The following TDRD10 variants were observed in gnomAD, a reference collection of about 807,000 sequenced individuals.
TDRD10 encodes tudor domain containing 10, also known as tudor domain-containing protein 10.
Under a neutral mutation model 48.0 loss-of-function variants are expected in TDRD10, and 40 were observed. That is an observed-to-expected ratio of 0.83 (90% confidence interval 0.65 to 1.09). TDRD10 has a LOEUF of 1.09. Among genes scored for constraint, TDRD10 ranks in the 50% least tolerant of loss-of-function variants. The pLI is 0.00. For missense variants in TDRD10, 378 were observed against 434.7 expected, an observed-to-expected ratio of 0.87 and a Z score of 1.16; for synonymous variants, 162 against 170.4, an observed-to-expected ratio of 0.95 and a Z score of 0.38.
chr1:154,544,489 C>A lies in TDRD10; in HGVS notation c.769C>A (p.Leu257Met). 1 of 1,613,864 alleles carries A rather than the reference C, an allele frequency of 6.2e-7. No homozygotes were observed. The highest frequency in any genetic ancestry group is 8.5e-7 in the Non-Finnish European group (1 of 1,179,964). ...GACTCGCTGTCTGGCAGAGTACCAC[C>A]TGGGGGATTATGGACACGCCTGGAA... The part of the protein sequence containing the change: ...RGTRCLAEYH[L>M]GDYGHAWNRC... The change falls in exon 10 of 13, where the codon CTG (leucine) becomes ATG (methionine). Residue 257 changes from leucine to methionine, a missense_variant. Leu to Met is a conservative substitution (Grantham distance 15). Around this residue, in one of 2 missense-constraint regions of TDRD10, gnomAD observed 310 missense variants for 323.6 expected, o/e 0.96. Coordinates refer to ENST00000368482, the MANE Select transcript of TDRD10 (RefSeq NM_182499.4).
chr1:154,508,617 A>T, intron 4 of TDRD10, 136 bp downstream of exon 4: 2 of 678,962 alleles, frequency 2.9e-6, no homozygotes, highest in East Asian at 5.1e-5. Context: ...CTCGTTGGTG[A>T]CTAGGGTAAC....
intron 4 of TDRD10, among the ~76,000 whole-genome samples, chr1:154,514,874 A>ATTTATTTT (rs1693670259): frequency 1.3e-5 from 2 of 150,866 alleles, no homozygotes; most frequent in African/African-American, 4.9e-5. Flanking sequence ...TTATTTATTT[A>ATTTATTTT]TTTTTTTTTT....
chr1:154,542,609 G>T (rs188479795), intron 7 of TDRD10, 122 bp from the exon 8 acceptor site: 1 of 666,340 alleles, frequency 1.5e-6, no homozygotes, highest in Middle Eastern at 4.1e-4. Context: ...GTTGGAGGGT[G>T]CAGCTTCTTG....
At position 154,544,092 on chromosome 1, in the gene TDRD10, G is replaced by C. The variant is rs1271423975; in HGVS notation, c.633G>C (p.Trp211Cys). Residue 211 changes from tryptophan to cysteine, a missense_variant, in exon 9 of 13, where the codon TGG becomes TGC. Transcript: ENST00000368482. ...TCGTCCCGAAGACCCCGTTTTTCTGGGCTATGCACGTCACTGAGGTATGGA... is the reference window on the plus strand; with the variant it reads ...TCGTCCCGAAGACCCCGTTTTTCTGCGCTATGCACGTCACTGAGGTATGGA... ...TSIVPKTPFF[W>C]AMHVTEALHQ... 5.0e-6 allele frequency: 8 copies of C among 1,614,136 alleles called. No individual in the cohort carries two copies. In the South Asian group the frequency reaches 8.8e-5, roughly 18 times the overall value.
intron 1 of TDRD10, among the ~76,000 whole-genome samples, chr1:154,504,685 TC>T (rs1693045238): frequency 6.6e-6 from 1 of 152,244 alleles, no homozygotes; most frequent in South Asian, 2.1e-4. Context: ...CAGAGAAATG[TC>T]TAGCAGATCC....
At chr1:154,510,045 C>T (rs140566914) in intron 4 of TDRD10, among the ~76,000 whole-genome samples, 35 of 152,220 alleles carry the variant, frequency 2.3e-4, no homozygotes, top group African/African-American at 7.9e-4. Context: ...TGCCTTCTTT[C>T]GACTCAAACT....
intron 4 of TDRD10, among the ~76,000 whole-genome samples, chr1:154,516,485 AG>A (rs1442796624): frequency 6.6e-6 from 1 of 152,112 alleles, no homozygotes; most frequent in Non-Finnish European, 1.5e-5. Flanking sequence ...AGTAAAAATC[AG>A]GGTTCTCTGC....
intron 4 of TDRD10, among the ~76,000 whole-genome samples, chr1:154,515,038 T>A (rs1296226286): frequency 6.6e-6 from 1 of 151,888 alleles, no homozygotes; most frequent in East Asian, 1.9e-4. Flanking sequence ...TGGCTAATTT[T>A]TGTATTTTTA....
At chr1:154,520,226 G>C (rs10908842) in intron 4 of TDRD10, 78 bp from the exon 5 acceptor site, 1 of 991,722 alleles carries the variant, frequency 1.0e-6, no homozygotes, top group African/African-American at 1.6e-5. Flanking sequence ...CAGACTAGCT[G>C]GCTGGGGATC....
chr1:154,539,980 G>T (rs1416582171), intron 6 of TDRD10, among the ~76,000 whole-genome samples: 2 of 152,164 alleles, frequency 1.3e-5, no homozygotes, highest in Non-Finnish European at 2.9e-5. Context: ...GAGCCTGGTG[G>T]GTGAAGGGGA....
At position 154,547,427 on chromosome 1, in the gene TDRD10, A is replaced by G; in HGVS notation, c.971A>G (p.Glu324Gly). The G allele has an allele frequency of 6.2e-7, 1 of 1,614,126 alleles. No homozygotes were observed. Among genetic ancestry groups the G allele is most frequent in the South Asian group, 1.1e-5 (1 of 91,072 alleles). Residue 324 changes from glutamate to glycine, a missense_variant, in exon 12 of 13, where the codon GAG (glutamate) becomes GGG (glycine). Transcript: ENST00000368482. ...TTTGCAGACATTTTGAGTTCGTATG[A>G]GGTTGTCCATCGAATCCTCAAAGGG... ...MLEKDILSSY[E>G]VVHRILKGKI...
At chr1:154,542,686 C>T (rs1304149854) in intron 7 of TDRD10, 45 bp from the exon 8 acceptor site, 2 of 1,528,078 alleles carry the variant, frequency 1.3e-6, no homozygotes, top group East Asian at 2.3e-5. Flanking sequence ...CAATTCCTCT[C>T]TGGGTAGTTC....
At chr1:154,531,999 A>G (rs898262033) in intron 6 of TDRD10, among the ~76,000 whole-genome samples, 1 of 152,204 alleles carries the variant, frequency 6.6e-6, no homozygotes, top group Non-Finnish European at 1.5e-5. Context: ...CCAAGTACCC[A>G]CTAGACTCAG....
intron 6 of TDRD10, among the ~76,000 whole-genome samples, chr1:154,526,887 C>G (rs1472765133): frequency 1.3e-5 from 1 of 79,532 alleles, no homozygotes; most frequent in Non-Finnish European, 2.8e-5. Context: ...CCGCACCTGG[C>G]CTGAATTTTT....
intron 11 of TDRD10, among the ~76,000 whole-genome samples, chr1:154,546,353 C>G (rs952298610): frequency 6.9e-6 from 1 of 144,738 alleles, no homozygotes. Context: ...ATTACAGGTG[C>G]GAGCCACCGC....
At chr1:154,536,110 G>C (rs1694907117) in intron 6 of TDRD10, among the ~76,000 whole-genome samples, 2 of 152,250 alleles carry the variant, frequency 1.3e-5, no homozygotes, top group Admixed American at 6.5e-5. Context: ...GGGCGCAGTG[G>C]CTCACGCCTG....
intron 6 of TDRD10, among the ~76,000 whole-genome samples, chr1:154,532,390 G>A (rs1034758027): frequency 1.3e-5 from 2 of 152,218 alleles, no homozygotes; most frequent in Non-Finnish European, 2.9e-5. Context: ...CAAAGCCCAC[G>A]CCCACCCAGA....
intron 6 of TDRD10, among the ~76,000 whole-genome samples, chr1:154,522,534 A>C (rs932784376): frequency 1.3e-5 from 2 of 152,134 alleles, no homozygotes; most frequent in African/African-American, 2.4e-5. Context: ...GCCCAGGCGC[A>C]CTGGCTCACA....
At position 154,519,553 on chromosome 1, in the gene TDRD10, G is replaced by A. The variant is rs141435330; in HGVS notation, c.142-751G>A. On this transcript the variant is annotated intron_variant, in intron 4 of 12. Coordinates refer to ENST00000368482, the MANE Select transcript of TDRD10 (RefSeq NM_182499.4). Reference sequence around the variant, plus strand: ...GAAGCCATCACAGTGGGCAGCGAGTGCATGTCTGTGACCTGCAAGAAAGCA... The same window carrying A: ...GAAGCCATCACAGTGGGCAGCGAGTACATGTCTGTGACCTGCAAGAAAGCA... 3.6e-3 allele frequency among the ~76,000 whole-genome samples: 548 copies of A among 152,290 alleles called. 3 individuals are homozygous for A. The highest frequency in any genetic ancestry group is 0.013 in the African/African-American group (520 of 41,566).
Sources: gnomAD v4.1 joint callset for allele counts (sites outside exome capture counted in the v4.1 genomes callset) on GRCh38, gnomAD v4.1.1 for gene constraint, gnomAD v4.1.1 regional missense constraint, MANE v1.5 for transcripts, NCBI Gene and HGNC (gene_info 2026-07-23, HGNC 2026-07-21) for gene names.